The following RGS7BP variants were observed in gnomAD, a reference collection of about 807,000 sequenced individuals.
RGS7BP encodes regulator of G protein signaling 7 binding protein.
Under a neutral mutation model 31.3 loss-of-function variants are expected in RGS7BP, and 9 were observed. That is an observed-to-expected ratio of 0.29 (90% CI 0.17 to 0.50). The LOEUF is 0.50. Among genes scored for constraint, RGS7BP ranks in the 20% least tolerant of loss-of-function variants. RGS7BP has a pLI of 0.98. For synonymous variants in RGS7BP, 115 were observed against 120.1 expected, an observed-to-expected ratio of 0.96 and a Z score of 0.28; for missense variants, 274 against 322.0, an observed-to-expected ratio of 0.85 and a Z score of 1.14.
In RGS7BP at chr5:64,594,775, G is replaced by T. The variant is rs147575031; in HGVS notation, c.529G>T (p.Ala177Ser). ...CKIEESAETP[A>S]LEDSSSSPVD... ...AATTGAGGAGAGTGCTGAAACACCT[G>T]CCCTAGAAGACTCCTCATCATCCCC... Residue 177 changes from alanine to serine, a missense_variant, in exon 4 of 6, where the codon GCC (alanine) becomes TCC (serine). By Grantham distance (99) the Ala-to-Ser change is moderately conservative. Coordinates refer to ENST00000334025, the MANE Select transcript of RGS7BP (RefSeq NM_001029875.3). 1 of 1,613,596 alleles carries T rather than the reference G, an allele frequency of 6.2e-7. No homozygotes were observed. Among genetic ancestry groups the T allele is most frequent in the African/African-American group, 1.3e-5 (1 of 74,862 alleles).
intron 2 of RGS7BP, among the ~76,000 whole-genome samples, chr5:64,556,468 G>C (rs1217580544): frequency 7.1e-6 from 1 of 140,004 alleles, no homozygotes; most frequent in African/African-American, 2.7e-5. Flanking sequence ...CACAAAATTG[G>C]CTTCCAGTGA....
intron 3 of RGS7BP, among the ~76,000 whole-genome samples, chr5:64,584,649 G>C (rs1392944032): frequency 6.6e-6 from 1 of 152,214 alleles, no homozygotes; most frequent in African/African-American, 2.4e-5. Context: ...CTACCATGAA[G>C]GCTGCTACTC....
At chr5:64,519,631 T>C (rs28515660) in intron 2 of RGS7BP, among the ~76,000 whole-genome samples, 48,385 of 152,086 alleles carry the variant, frequency 0.32, 8,622 homozygotes, top group East Asian at 0.74. Flanking sequence ...GAGACACTAT[T>C]TGTCTGTTTT....
intron 2 of RGS7BP, among the ~76,000 whole-genome samples, chr5:64,524,101 T>C (rs1749175251): frequency 6.6e-6 from 1 of 152,188 alleles, no homozygotes; most frequent in African/African-American, 2.4e-5. Flanking sequence ...TGGTAGGATT[T>C]AACTGTAAGA....
At chr5:64,516,305 C>A (rs172062) in intron 2 of RGS7BP, among the ~76,000 whole-genome samples, 43,826 of 152,034 alleles carry the variant, frequency 0.29, 7,241 homozygotes, top group Admixed American at 0.37. Context: ...TGAAGTGCCC[C>A]CACCCCTATC....
intron 2 of RGS7BP, among the ~76,000 whole-genome samples, chr5:64,515,052 T>G (rs558251757): frequency 4.6e-5 from 7 of 152,328 alleles, no homozygotes; most frequent in African/African-American, 1.4e-4. Context: ...CGTCACTTTA[T>G]TATGCATACT....
intron 5 of RGS7BP, among the ~76,000 whole-genome samples, chr5:64,603,893 C>T (rs571303001): frequency 2.3e-4 from 35 of 151,910 alleles, no homozygotes; most frequent in Admixed American, 2.2e-3. Flanking sequence ...GCAATGGGAA[C>T]GTGAAGGAAT....
intron 2 of RGS7BP, among the ~76,000 whole-genome samples, chr5:64,530,141 G>A (rs1749334171): frequency 6.6e-6 from 1 of 152,112 alleles, no homozygotes; most frequent in South Asian, 2.1e-4. Flanking sequence ...AGATAGTCGG[G>A]TCAAATGTAA....
At chr5:64,534,315 CT>C in intron 2 of RGS7BP, among the ~76,000 whole-genome samples, 1 of 152,238 alleles carries the variant, frequency 6.6e-6, no homozygotes, top group African/African-American at 2.4e-5. Flanking sequence ...AGCAACCAGC[CT>C]GTCAGGGCCT....
At chr5:64,519,621 G>A (rs1358324670) in intron 2 of RGS7BP, among the ~76,000 whole-genome samples, 1 of 152,194 alleles carries the variant, frequency 6.6e-6, no homozygotes, top group Non-Finnish European at 1.5e-5. Context: ...TAAGCCTCAG[G>A]AGACACTATT....
intron 2 of RGS7BP, among the ~76,000 whole-genome samples, chr5:64,559,981 T>G (rs1030181099): frequency 2.0e-5 from 3 of 152,174 alleles, no homozygotes; most frequent in Non-Finnish European, 4.4e-5. Context: ...TTACTGGAAG[T>G]AACTGTCATG....
chr5:64,577,576 C>T (rs572146741), intron 3 of RGS7BP, among the ~76,000 whole-genome samples: 62 of 152,274 alleles, frequency 4.1e-4, no homozygotes, highest in African/African-American at 1.4e-3. Context: ...CTCCTTTTGC[C>T]TTCTGAAGGC....
chr5:64,540,328 CTT>C (rs930937086), intron 2 of RGS7BP, among the ~76,000 whole-genome samples: 1 of 151,986 alleles, frequency 6.6e-6, no homozygotes, highest in Non-Finnish European at 1.5e-5. Flanking sequence ...CACTTATAAT[CTT>C]TTTTCATTTA....
chr5:64,543,583 T>G (rs1741579695), intron 2 of RGS7BP, among the ~76,000 whole-genome samples: 1 of 152,254 alleles, frequency 6.6e-6, no homozygotes, highest in Admixed American at 6.5e-5. Flanking sequence ...GTGCCCATCT[T>G]TGGACTAATC....
At chr5:64,538,294 C>T (rs959813725) in intron 2 of RGS7BP, among the ~76,000 whole-genome samples, 3 of 151,938 alleles carry the variant, frequency 2.0e-5, no homozygotes, top group Non-Finnish European at 4.4e-5. Context: ...CCACTACCAA[C>T]ATCAAGATAC....
Position 64,509,041 on chromosome 5 carries a change from T to C in RGS7BP, c.332+1164T>C, listed in dbSNP as rs75938166. ...ATAAACAAAATATGTTATAACCATA[T>C]TTTATTTAGTAAAAATATTGAGAAG... On this transcript the variant is annotated intron_variant, in intron 2 of 5. Coordinates refer to ENST00000334025, the MANE Select transcript of RGS7BP (RefSeq NM_001029875.3). Among the ~76,000 whole-genome samples, 573 of 152,340 alleles carry C rather than the reference T, an allele frequency of 3.8e-3. 2 individuals carry two copies. Among genetic ancestry groups the C allele is most frequent in the African/African-American group, 0.013 (529 of 41,572 alleles).
rs150072727 is a variant in RGS7BP at position 64,510,124 on chromosome 5, C to T, written c.332+2247C>T. On this transcript the variant is annotated intron_variant, in intron 2 of 5. Transcript: ENST00000334025. The stretch of plus-strand genomic sequence containing the variant: ...GAGTGAGAAAAGCAAAGGTTTTTGG[C>T]GAAATTTAGAGAGAAGAACTGGATT... Among the ~76,000 whole-genome samples the T allele has an allele frequency of 7.2e-3, 1,091 of 152,132 alleles. 11 individuals are homozygous for T. Among genetic ancestry groups the T allele is most frequent in the African/African-American group, 0.023 (954 of 41,490 alleles).
chr5:64,538,508 TTTTTTTTTCCTTTTCTTTTC>T, intron 2 of RGS7BP, among the ~76,000 whole-genome samples: 1 of 143,920 alleles, frequency 6.9e-6, no homozygotes, highest in African/African-American at 2.6e-5. Context: ...TTCTTTTCTT[TTTTTTTTTCCTTTTCTTTTC>T]TTTTTTTTTT....
chr5:64,528,445 G>C (rs188877247), intron 2 of RGS7BP, among the ~76,000 whole-genome samples: 178 of 152,216 alleles, frequency 1.2e-3, no homozygotes, highest in African/African-American at 4.1e-3. Flanking sequence ...ACTCACACAT[G>C]CCGTAACAGC....
Sources: allele counts gnomAD v4.1 joint callset (sites outside exome capture counted in the v4.1 genomes callset), GRCh38; gene constraint gnomAD v4.1.1; transcripts MANE v1.5; gene names NCBI Gene and HGNC (gene_info 2026-07-23, HGNC 2026-07-21).